Variants in AKT3 observed in about 807,000 individuals in gnomAD.
AKT3 encodes AKT serine/threonine kinase 3.
AKT3 carries 15 observed loss-of-function variants against 65.3 expected under a neutral mutation model. That is an observed-to-expected ratio of 0.23 (90% CI 0.15 to 0.35). The LOEUF (loss-of-function observed/expected upper bound fraction) is 0.35, where lower values mean the gene tolerates loss of function less well. Among genes scored for constraint, AKT3 ranks in the 10% least tolerant of loss-of-function variants. The probability of loss-of-function intolerance (pLI) is 1.00; values close to 1 mark genes in which losing one functional copy is unlikely to be tolerated. For missense variants in AKT3, 243 were observed against 576.5 expected, an observed-to-expected ratio of 0.42 and a Z score of 5.92; for synonymous variants, 206 against 183.8, an observed-to-expected ratio of 1.12 and a Z score of -0.98.
chr1:243,677,086 T>C (rs1683574929), intron 3 of AKT3, among the ~76,000 whole-genome samples: 1 of 152,230 alleles, frequency 6.6e-6, no homozygotes, highest in Non-Finnish European at 1.5e-5. Context: ...ACTGCCAAAC[T>C]ATAAGTACTT....
chr1:243,796,387 C>T (rs9428976), intron 2 of AKT3, among the ~76,000 whole-genome samples: 7,648 of 152,218 alleles, frequency 0.05, 658 homozygotes, highest in African/African-American at 0.17. Context: ...CATTAGAATC[C>T]ACAAGGATGC....
chr1:243,820,445 G>C (rs543478245), intron 2 of AKT3, among the ~76,000 whole-genome samples: 1 of 152,156 alleles, frequency 6.6e-6, no homozygotes, highest in African/African-American at 2.4e-5. Context: ...TCAACTAGAC[G>C]AACGCTTAGA....
intron 2 of AKT3, among the ~76,000 whole-genome samples, chr1:243,711,470 T>A (rs1686153709): frequency 6.6e-6 from 1 of 152,228 alleles, no homozygotes; most frequent in Admixed American, 6.5e-5. Context: ...TATAAAACAA[T>A]CATATATCCC....
chr1:243,603,294 G>A (rs1558646269), intron 8 of AKT3, among the ~76,000 whole-genome samples: 1 of 152,104 alleles, frequency 6.6e-6, no homozygotes, highest in Non-Finnish European at 1.5e-5. Context: ...AACCAGAAAA[G>A]GAAGAATCCC....
chr1:243,755,492 CCA>C (rs1689078848), intron 2 of AKT3, among the ~76,000 whole-genome samples: 1 of 152,106 alleles, frequency 6.6e-6, no homozygotes, highest in Non-Finnish European at 1.5e-5. Flanking sequence ...TTGAAATTCT[CCA>C]GTTACTACTA....
At chr1:243,681,496 A>G (rs2147976342) in intron 3 of AKT3, among the ~76,000 whole-genome samples, 1 of 152,248 alleles carries the variant, frequency 6.6e-6, no homozygotes, top group Non-Finnish European at 1.5e-5. Context: ...ATAAAACTCT[A>G]TCAAATTTAT....
At chr1:243,836,371 C>T (rs977620834) in intron 2 of AKT3, among the ~76,000 whole-genome samples, 4 of 151,282 alleles carry the variant, frequency 2.6e-5, no homozygotes, top group African/African-American at 9.7e-5. Context: ...AATAATAGAG[C>T]TTCAAAATAT....
chr1:243,732,514 C>T (rs750336757), intron 2 of AKT3, among the ~76,000 whole-genome samples: 3 of 152,242 alleles, frequency 2.0e-5, no homozygotes, highest in African/African-American at 4.8e-5. Flanking sequence ...TTAGTGATGA[C>T]GGAGTTGTTA....
At chr1:243,716,696 G>C (rs1686531957) in intron 2 of AKT3, among the ~76,000 whole-genome samples, 1 of 152,126 alleles carries the variant, frequency 6.6e-6, no homozygotes, top group Admixed American at 6.5e-5. Flanking sequence ...AAATTAAAAA[G>C]GATTACTTCA....
At chr1:243,552,010 C>G (rs930532839) in intron 11 of AKT3, among the ~76,000 whole-genome samples, 3 of 152,040 alleles carry the variant, frequency 2.0e-5, no homozygotes, top group Admixed American at 6.6e-5. Flanking sequence ...CAGTTAGAGG[C>G]CGGGTGCGGT....
chr1:243,586,304 C>CATT (rs1675797533), intron 8 of AKT3, among the ~76,000 whole-genome samples: 1 of 151,982 alleles, frequency 6.6e-6, no homozygotes, highest in South Asian at 2.1e-4. Context: ...TGGGAATGTA[C>CATT]ATTAATTCAG....
chr1:243,836,529 T>C (rs1694899539), intron 2 of AKT3, among the ~76,000 whole-genome samples: 1 of 150,286 alleles, frequency 6.7e-6, no homozygotes, highest in Non-Finnish European at 1.5e-5. Context: ...CCAATCATCT[T>C]GACTAGATAT....
In AKT3 at chr1:243,639,526, C is replaced by T. The variant is rs145550747; in HGVS notation, c.430-1784G>A. ...CCAAGATGGTGATGAAAGTGACCTC[C>T]GGTTGTCCCCACTGCTCATTATACA... On this transcript the variant is annotated intron_variant, in intron 5 of 13. Coordinates refer to ENST00000673466, the MANE Select transcript of AKT3 (RefSeq NM_005465.7). Among the ~76,000 whole-genome samples, 104 of 152,218 alleles carry T rather than the reference C, an allele frequency of 6.8e-4. 2 individuals are homozygous for T. The East Asian group carries it at 0.018, about 27-fold the overall frequency.
rs199869796 is a variant in AKT3, at chr1:243,842,908, CTAACT to C, written c.46+212_46+216del. Among the ~76,000 whole-genome samples, 565 of 152,210 alleles carry C rather than the reference CTAACT, an allele frequency of 3.7e-3. 5 individuals carry two copies. Among genetic ancestry groups the C allele is most frequent in the African/African-American group, 0.013 (532 of 41,520 alleles). The stretch of plus-strand genomic sequence containing the variant: ...CACACAACATACCAGAAAGTCAAAC[CTAACT>C]TAACTAGATTATAAATGCTCAAAAT... On this transcript the variant is annotated intron_variant, in intron 2 of 13. Transcript: ENST00000673466.
intron 2 of AKT3, among the ~76,000 whole-genome samples, chr1:243,804,972 T>G (rs1409448007): frequency 6.6e-6 from 1 of 152,192 alleles, no homozygotes; most frequent in East Asian, 1.9e-4. Context: ...GTATTAACAT[T>G]TTTCTAATGG....
intron 10 of AKT3, among the ~76,000 whole-genome samples, chr1:243,553,747 G>A (rs1012279701): frequency 5.3e-5 from 8 of 152,118 alleles, no homozygotes; most frequent in African/African-American, 1.9e-4. Context: ...GGAGCAACCT[G>A]TTCAAATGGT....
At chr1:243,567,050 C>A (rs1201978702) in intron 9 of AKT3, among the ~76,000 whole-genome samples, 1 of 152,140 alleles carries the variant, frequency 6.6e-6, no homozygotes, top group Non-Finnish European at 1.5e-5. Flanking sequence ...GAGGCTGAGG[C>A]AGGCAGATCG....
chr1:243,569,740 C>T (rs997334791), intron 9 of AKT3, among the ~76,000 whole-genome samples: 2 of 152,182 alleles, frequency 1.3e-5, no homozygotes, highest in African/African-American at 4.8e-5. Context: ...GTATTATTTT[C>T]TCCCATAAAC....
chr1:243,650,883 C>T (rs1484085855), intron 4 of AKT3, among the ~76,000 whole-genome samples: 7 of 152,070 alleles, frequency 4.6e-5, no homozygotes, highest in Admixed American at 1.3e-4. Flanking sequence ...CTTGGCTATG[C>T]GGGCTATTTT....
Sources: gnomAD v4.1 joint callset for allele counts (sites outside exome capture counted in the v4.1 genomes callset) on GRCh38, gnomAD v4.1.1 for gene constraint, MANE v1.5 for transcripts, NCBI Gene and HGNC (gene_info 2026-07-23, HGNC 2026-07-21) for gene names.